The following KATNIP variants were observed in gnomAD, a reference collection of about 807,000 sequenced individuals.
The protein encoded by KATNIP is katanin-interacting protein.
A neutral mutation model predicts 174.0 loss-of-function variants in KATNIP; 126 were observed. The observed-to-expected ratio is 0.72, with a 90% CI of 0.63 to 0.84. The LOEUF (loss-of-function observed/expected upper bound fraction) is 0.84, where lower values mean the gene tolerates loss of function less well. Among genes scored for constraint, KATNIP ranks in the 40% least tolerant of loss-of-function variants. The pLI, the probability that KATNIP is intolerant of heterozygous loss-of-function variation, is 0.00. For synonymous variants in KATNIP, 810 were observed against 835.7 expected (o/e 0.97, Z 0.53); for missense variants, 1,958 against 2,109.7 (o/e 0.93, Z 1.41).
intron 2 of KATNIP, among the ~76,000 whole-genome samples, chr16:27,582,156 G>A (rs906166158): frequency 1.8e-4 from 27 of 152,148 alleles, no homozygotes; most frequent in African/African-American, 6.5e-4. Flanking sequence ...GACTCCACTA[G>A]CGCGCAAACT....
At chr16:27,639,055 T>C (rs2076721788) in intron 5 of KATNIP, among the ~76,000 whole-genome samples, 1 of 152,154 alleles carries the variant, frequency 6.6e-6, no homozygotes, top group Non-Finnish European at 1.5e-5. Context: ...CAGGTTTCTC[T>C]TCTTACGGTC....
chr16:27,650,957 T>A (rs2077102622), intron 6 of KATNIP, among the ~76,000 whole-genome samples: 4 of 152,174 alleles, frequency 2.6e-5, no homozygotes, highest in Admixed American at 2.6e-4. Context: ...CTGCTCAGGA[T>A]CAGTCTGTGC....
chr16:27,753,741 C>G (rs963456020), intron 17 of KATNIP, among the ~76,000 whole-genome samples: 23 of 147,246 alleles, frequency 1.6e-4, no homozygotes, highest in Admixed American at 1.1e-3. Context: ...TTCCCTCCCT[C>G]CCTCCCTCCT....
chr16:27,608,733 C>G (rs1330564637), intron 2 of KATNIP, among the ~76,000 whole-genome samples: 1 of 152,080 alleles, frequency 6.6e-6, no homozygotes, highest in Non-Finnish European at 1.5e-5. Flanking sequence ...AATTCTATGC[C>G]TTCTCCAGGG....
Position 27,750,155 on chromosome 16 carries a change from G to C in KATNIP, c.3195G>C (p.Thr1065=), listed in dbSNP as rs375758778. ...GRSHSITIDF[T]HPCHVALIRI... ...CCCACTCCATCACCATTGACTTCAC[G>C]CACCCTTGCCACGTTGCCCTGATCA... Residue 1065 remains threonine, a synonymous_variant, in exon 16 of 28, where the codon ACG becomes ACC. Coordinates refer to ENST00000261588, the MANE Select transcript of KATNIP (RefSeq NM_015202.5). 1.9e-6 allele frequency: 3 copies of C among 1,613,944 alleles called. No homozygotes were observed. Among genetic ancestry groups the C allele is most frequent in the African/African-American group, 1.3e-5 (1 of 74,880 alleles).
At chr16:27,703,481 T>TTTGTTGTTGTTA (rs957672035) in intron 11 of KATNIP, among the ~76,000 whole-genome samples, 1 of 152,236 alleles carries the variant, frequency 6.6e-6, no homozygotes, top group Non-Finnish European at 1.5e-5. Context: ...TGCGGTTGGT[T>TTTGTTGTTGTTA]TTGTTGTTGT....
chr16:27,698,295 C>A, intron 8 of KATNIP, 33 bp from the exon 9 acceptor site: 4 of 1,580,056 alleles, frequency 2.5e-6, no homozygotes, highest in Non-Finnish European at 3.4e-6. Flanking sequence ...AGAATATAAT[C>A]TAAAAGAACG....
chr16:27,595,698 G>A (rs151174861), intron 2 of KATNIP, among the ~76,000 whole-genome samples: 3 of 152,232 alleles, frequency 2.0e-5, no homozygotes, highest in African/African-American at 4.8e-5. Context: ...ATGTGCCAGC[G>A]GCTGGAGGCA....
chr16:27,566,570 T>TG (rs1258156965), intron 1 of KATNIP, among the ~76,000 whole-genome samples: 1 of 132,848 alleles, frequency 7.5e-6, no homozygotes, highest in East Asian at 2.1e-4. Context: ...GGTATGGGGG[T>TG]GGGGGTAGTA....
chr16:27,600,226 G>A (rs1265729831), intron 2 of KATNIP, among the ~76,000 whole-genome samples: 7 of 152,174 alleles, frequency 4.6e-5, no homozygotes, highest in African/African-American at 1.4e-4. Flanking sequence ...GGAAAGGAAC[G>A]CAGTCCCACA....
At chr16:27,686,807 G>T (rs982415701) in intron 8 of KATNIP, among the ~76,000 whole-genome samples, 1 of 151,928 alleles carries the variant, frequency 6.6e-6, no homozygotes, top group Non-Finnish European at 1.5e-5. Context: ...ACTTACTAGG[G>T]TTTACTTTAA....
intron 1 of KATNIP, among the ~76,000 whole-genome samples, chr16:27,552,473 C>A (rs1475625533): frequency 1.3e-5 from 2 of 150,404 alleles, no homozygotes; most frequent in Non-Finnish European, 2.9e-5. Flanking sequence ...CTGCTGGGTT[C>A]AAGCGATTCT....
chr16:27,557,365 C>T (rs1185041441), intron 1 of KATNIP, among the ~76,000 whole-genome samples: 2 of 151,604 alleles, frequency 1.3e-5, no homozygotes, highest in Admixed American at 1.3e-4. Context: ...TGGTCTCGAA[C>T]TCCTGACCTT....
rs781096626 is a variant in KATNIP, at chr16:27,751,776, C to T, written c.3404C>T (p.Ala1135Val). The T allele has an allele frequency of 1.2e-6, 2 of 1,614,236 alleles. No homozygotes were observed. The highest frequency in any genetic ancestry group is 1.7e-6 in the Non-Finnish European group (2 of 1,180,046). ...ACAACCGATGATGACATTCTCGAGG[C>T]CATATTCTATTCTGATGAGATGTTT... is the stretch of plus-strand genomic sequence containing the variant. The part of the protein sequence containing the change: ...LFTTDDDILE[A>V]IFYSDEMFDL... Residue 1135 changes from alanine to valine, a missense_variant, in exon 17 of 28, where the codon GCC (alanine) becomes GTC (valine). Physicochemically the swap from Ala to Val is moderately conservative, Grantham distance 64. Coordinates refer to ENST00000261588, the MANE Select transcript of KATNIP (RefSeq NM_015202.5).
intron 18 of KATNIP, chr16:27,754,571 T>C (rs2081645063): frequency 3.2e-6 from 1 of 309,574 alleles, no homozygotes. Context: ...CCAGAAAGTG[T>C]AGAACAAGAG....
chr16:27,612,714 G>C (rs569102961), intron 2 of KATNIP, among the ~76,000 whole-genome samples: 1 of 151,744 alleles, frequency 6.6e-6, no homozygotes, highest in Non-Finnish European at 1.5e-5. Context: ...AGCCAAGATC[G>C]CACCACTGAA....
At chr16:27,679,429 CA>C (rs1011720826) in intron 7 of KATNIP, among the ~76,000 whole-genome samples, 5 of 152,074 alleles carry the variant, frequency 3.3e-5, no homozygotes, top group African/African-American at 1.2e-4. Flanking sequence ...CAAATACAGT[CA>C]GGGGTACTGG....
chr16:27,703,594 C>T (rs1400006962), intron 11 of KATNIP, among the ~76,000 whole-genome samples: 3 of 152,210 alleles, frequency 2.0e-5, no homozygotes, highest in African/African-American at 7.2e-5. Context: ...TGGATTTGAC[C>T]CGTAGGCCTT....
intron 1 of KATNIP, among the ~76,000 whole-genome samples, chr16:27,556,764 T>C (rs973603544): frequency 1.3e-5 from 2 of 152,172 alleles, no homozygotes; most frequent in Non-Finnish European, 2.9e-5. Context: ...TTTCTCTTAC[T>C]ACTTAAACCC....
Sources: allele counts gnomAD v4.1 joint callset (sites outside exome capture counted in the v4.1 genomes callset), GRCh38; gene constraint gnomAD v4.1.1; transcripts MANE v1.5; gene names NCBI Gene and HGNC (gene_info 2026-07-23, HGNC 2026-07-21).